BPI: variants seen among roughly 807,000 people sequenced by gnomAD.
BPI encodes bactericidal permeability-increasing protein.
Under a neutral mutation model 57.6 loss-of-function variants are expected in BPI, and 48 were observed. The observed-to-expected ratio is 0.83, with a 90% CI of 0.66 to 1.06. The LOEUF (loss-of-function observed/expected upper bound fraction) is 1.06. BPI is among the 50% of genes least tolerant of loss of function. The pLI is 0.00. For synonymous variants in BPI, 237 were observed against 238.2 expected, an observed-to-expected ratio of 0.99 and a Z score of 0.05; for missense variants, 651 against 609.7, an observed-to-expected ratio of 1.07 and a Z score of -0.71.
rs1285207749 is a variant in BPI, at chr20:38,327,597, G to T, written c.1171G>T (p.Gly391Cys). 4 of 1,613,186 alleles carry T rather than the reference G, an allele frequency of 2.5e-6. No homozygotes were observed. Among genetic ancestry groups the T allele is most frequent in the Admixed American group, 3.3e-5 (2 of 59,992 alleles). ...GTTGTTGTTTTGGCAGCACACAACT[G>T]GTTCCATGGAGGTCAGCGCCGAGTC... Reference protein sequence around the residue: ...SLFLIGMHTTGSMEVSAESNR... With the variant: ...SLFLIGMHTTCSMEVSAESNR... Residue 391 changes from glycine to cysteine, a missense_variant, in exon 11 of 15, where the codon GGT (glycine) becomes TGT (cysteine). Gly to Cys is a radical substitution (Grantham distance 159, BLOSUM62 -3). Transcript: ENST00000642449.
intron 4 of BPI, among the ~76,000 whole-genome samples, chr20:38,310,959 C>T (rs2076619117): frequency 6.6e-6 from 1 of 152,258 alleles, no homozygotes; most frequent in Non-Finnish European, 1.5e-5. Flanking sequence ...AGGCATTCAT[C>T]TATCCATCCA....
Position 38,334,218 on chromosome 20 carries a change from T to G in BPI, c.1273-212T>G, listed in dbSNP as rs550413272. ...AGAACATGCTTTACATCTGGAACCA[T>G]TGGAGCAAAAGAAACCACTTCCATG... On this transcript the variant is annotated intron_variant, in intron 12 of 14. Coordinates refer to ENST00000642449, the MANE Select transcript of BPI (RefSeq NM_001725.3). Among the ~76,000 whole-genome samples, 3 of 152,304 alleles carry G rather than the reference T, an allele frequency of 2.0e-5. No individual in the cohort carries two copies. In the East Asian group the frequency reaches 5.8e-4, roughly 29 times the overall value.
At chr20:38,315,787 C>T (rs2076648852) in intron 5 of BPI, among the ~76,000 whole-genome samples, 1 of 151,058 alleles carries the variant, frequency 6.6e-6, no homozygotes, top group South Asian at 2.1e-4. Context: ...CTCCTTCCTT[C>T]CTTCCTTTCC....
At chr20:38,313,612 G>A (rs1467897901) in intron 5 of BPI, among the ~76,000 whole-genome samples, 2 of 152,220 alleles carry the variant, frequency 1.3e-5, no homozygotes, top group Non-Finnish European at 2.9e-5. Flanking sequence ...ACCATCTAAA[G>A]GTGGCCCCTC....
At chr20:38,315,311 T>A (rs1004691757) in intron 5 of BPI, among the ~76,000 whole-genome samples, 2 of 152,106 alleles carry the variant, frequency 1.3e-5, no homozygotes, top group Non-Finnish European at 2.9e-5. Context: ...AATGAATGAA[T>A]GAAGGAATGA....
At chr20:38,315,151 A>G (rs2076646220) in intron 5 of BPI, among the ~76,000 whole-genome samples, 1 of 152,096 alleles carries the variant, frequency 6.6e-6, no homozygotes, top group Non-Finnish European at 1.5e-5. Flanking sequence ...TGTGAGAGAG[A>G]TTCCATGATT....
intron 10 of BPI, 103 bp downstream of exon 10, chr20:38,326,535 G>A: frequency 7.4e-7 from 1 of 1,344,402 alleles, no homozygotes; most frequent in Non-Finnish European, 9.8e-7. Context: ...ATTCAAACCT[G>A]GACTGTGTCA....
chr20:38,309,650 CA>C (rs1378310852), intron 3 of BPI, among the ~76,000 whole-genome samples: 1 of 152,202 alleles, frequency 6.6e-6, no homozygotes, highest in Non-Finnish European at 1.5e-5. Context: ...CAAGCAAAGG[CA>C]CCTTCCTCAA....
In BPI at chr20:38,308,887, G is replaced by A. The variant is rs765068736; in HGVS notation, c.246-43G>A. 9 of 1,612,208 alleles carry A rather than the reference G, an allele frequency of 5.6e-6. No homozygotes were observed. In the African/African-American group the frequency reaches 1.2e-4, roughly 22 times the overall value. ...AACGAAGTCCTCATGTGTGCACCTA[G>A]GAGTATATGAAATTATATGACATTC... On this transcript the variant is annotated intron_variant, in intron 2 of 14. Coordinates refer to ENST00000642449, the MANE Select transcript of BPI (RefSeq NM_001725.3).
At chr20:38,317,349 G>A (rs1233619757) in intron 5 of BPI, among the ~76,000 whole-genome samples, 1 of 152,224 alleles carries the variant, frequency 6.6e-6, no homozygotes, top group Non-Finnish European at 1.5e-5. Context: ...AGGCATGACA[G>A]GGATGGCTAA....
chr20:38,324,179 T>C (rs2076700825), intron 8 of BPI, 133 bp downstream of exon 8: 1 of 1,098,638 alleles, frequency 9.1e-7, no homozygotes, highest in Admixed American at 2.9e-5. Context: ...CAGCTAGAGC[T>C]GAGTTCCAAT....
Position 38,334,490 on chromosome 20 carries a change from A to C in BPI, c.1333A>C (p.Asn445His). 10 of 1,612,760 alleles carry C rather than the reference A, an allele frequency of 6.2e-6. No individual in the cohort carries two copies. Among genetic ancestry groups the C allele is most frequent in the Non-Finnish European group, 8.5e-6 (10 of 1,178,702 alleles). ...ACCCATTCTTGTGCTGCCCAGGGTT[A>C]ACGGTAAGGAACTTTGAAGAAACCA... ...IVPILVLPRV[N>H]EKLQKGFPLP... Residue 445 changes from asparagine (N) to histidine (H), a missense_variant, in exon 13 of 15, where the codon AAC (asparagine) becomes CAC (histidine). Asn to His is a moderately conservative substitution (Grantham distance 68). Coordinates refer to ENST00000642449, the MANE Select transcript of BPI (RefSeq NM_001725.3).
At chr20:38,324,712 C>G (rs972806798) in intron 8 of BPI, 62 bp from the exon 9 acceptor site, 156 of 1,379,334 alleles carry the variant, frequency 1.1e-4, no homozygotes, top group Non-Finnish European at 1.6e-4. Flanking sequence ...ATACAGAACT[C>G]ACCCCCTCTG....
At chr20:38,307,788 T>C in intron 2 of BPI, 107 bp downstream of exon 2, 1 of 951,728 alleles carries the variant, frequency 1.1e-6, no homozygotes, top group Non-Finnish European at 1.6e-6. Flanking sequence ...CAGAGTTTCA[T>C]ATCCCAAAGC....
At chr20:38,335,286 G>A (rs567404273) in intron 13 of BPI, among the ~76,000 whole-genome samples, 10 of 152,212 alleles carry the variant, frequency 6.6e-5, no homozygotes, top group South Asian at 2.1e-4. Context: ...TACACACCAC[G>A]CTCTAGTCAC....
At position 38,326,368 on chromosome 20, in the gene BPI, T is replaced by A; in HGVS notation, c.1097T>A (p.Val366Glu). 1 of 1,614,186 alleles carries A rather than the reference T, an allele frequency of 6.2e-7. No homozygotes were observed. Among genetic ancestry groups the A allele is most frequent in the East Asian group, 2.2e-5 (1 of 44,878 alleles). ...ACCGGCCTTACCTTCTACCCTGCCG[T>A]GGATGTCCAGGCCTTTGCCGTCCTC... ...QPTGLTFYPA[V>E]DVQAFAVLPN... The change falls in exon 10 of 15, where the codon GTG (valine) becomes GAG (glutamate). Residue 366 changes from valine to glutamate, a missense_variant. Physicochemically the swap from Val to Glu is moderately radical, Grantham distance 121. Coordinates refer to ENST00000642449, the MANE Select transcript of BPI (RefSeq NM_001725.3).
At chr20:38,314,286 G>A (rs1417003937) in intron 5 of BPI, among the ~76,000 whole-genome samples, 3 of 145,420 alleles carry the variant, frequency 2.1e-5, no homozygotes, top group Non-Finnish European at 4.5e-5. Context: ...GGTGATGGTG[G>A]GGATGATGAT....
At chr20:38,326,620 A>T in intron 10 of BPI, 188 bp downstream of exon 10, 1 of 583,628 alleles carries the variant, frequency 1.7e-6, no homozygotes, top group Non-Finnish European at 2.8e-6. Flanking sequence ...CCAGCCATTC[A>T]CTAGTGCGTT....
At chr20:38,320,392 AC>A in intron 7 of BPI, 118 bp downstream of exon 7, 1 of 803,336 alleles carries the variant, frequency 1.2e-6, no homozygotes, top group Non-Finnish European at 1.9e-6. Context: ...ACTCACCACC[AC>A]CCTCTCTACT....
Sources: gnomAD v4.1 joint callset for allele counts (sites outside exome capture counted in the v4.1 genomes callset) on GRCh38, gnomAD v4.1.1 for gene constraint, MANE v1.5 for transcripts, NCBI Gene and HGNC (gene_info 2026-07-23, HGNC 2026-07-21) for gene names.